Variants in SORCS2 observed in about 807,000 individuals in gnomAD.
The protein encoded by SORCS2 is sortilin related VPS10 domain containing receptor 2, also known as VPS10 domain-containing receptor SorCS2.
SORCS2 carries 100 observed loss-of-function variants against 141.6 expected under a neutral mutation model. That is an observed-to-expected ratio of 0.71 (90% confidence interval 0.60 to 0.83). The LOEUF (loss-of-function observed/expected upper bound fraction) is 0.83, where lower values mean the gene tolerates loss of function less well. Ranked by LOEUF, SORCS2 falls within the 40% of genes least tolerant of loss-of-function variation. The probability of loss-of-function intolerance (pLI) is 0.00; values close to 1 mark genes in which losing one functional copy is unlikely to be tolerated. For synonymous variants in SORCS2, 789 were observed against 676.9 expected (o/e 1.17, Z -2.57); for missense variants, 1,646 against 1,560.2 (o/e 1.05, Z -0.93).
chr4:7,403,993 ATATATTTTTTTTTTT>A (rs1181208866), intron 2 of SORCS2, among the ~76,000 whole-genome samples: 7 of 7,708 alleles, frequency 9.1e-4, no homozygotes, highest in South Asian at 2.2e-3. Flanking sequence ...ATATATATAT[ATATATTTTTTTTTTT>A]TTTTTAGTAT....
intron 1 of SORCS2, among the ~76,000 whole-genome samples, chr4:7,239,281 C>CTGGG (rs1235756901): frequency 6.6e-6 from 1 of 152,256 alleles, no homozygotes; most frequent in African/African-American, 2.4e-5. Flanking sequence ...TGCAGAAAGG[C>CTGGG]TGGGGCCCAG....
Position 7,740,517 on chromosome 4 carries a change from G to T in SORCS2, c.*253G>T. On this transcript the variant is annotated 3_prime_UTR_variant, in exon 27 of 27. Transcript: ENST00000507866. Reference sequence around the variant, plus strand: ...ACCAGGCCTGACTCAGGCAGGTTCTGCCCCCCAGACCCCACACACGGCCGC... The same window carrying T: ...ACCAGGCCTGACTCAGGCAGGTTCTTCCCCCCAGACCCCACACACGGCCGC... The T allele has an allele frequency of 1.8e-6, 1 of 543,666 alleles. No homozygotes were observed. Among genetic ancestry groups the T allele is most frequent in the Middle Eastern group, 5.1e-4 (1 of 1,980 alleles). The allele number at this position is 543,666 out of a possible 1,614,324, so 33.7% of individuals were successfully genotyped here. A position where few individuals can be genotyped will look rare whatever the true frequency, so the allele number is the denominator to read the frequency against.
At chr4:7,372,292 G>A (rs1204555125) in intron 1 of SORCS2, among the ~76,000 whole-genome samples, 1 of 152,120 alleles carries the variant, frequency 6.6e-6, no homozygotes, top group Non-Finnish European at 1.5e-5. Flanking sequence ...ATTACATGTA[G>A]TAAAATTCAC....
intron 1 of SORCS2, among the ~76,000 whole-genome samples, chr4:7,216,892 C>G (rs1350468350): frequency 6.6e-6 from 1 of 152,186 alleles, no homozygotes; most frequent in Non-Finnish European, 1.5e-5. Flanking sequence ...TCCATGGTTC[C>G]TCTCCCGGGG....
chr4:7,538,894 T>A (rs1712344249), intron 3 of SORCS2, among the ~76,000 whole-genome samples: 1 of 152,218 alleles, frequency 6.6e-6, no homozygotes, highest in Non-Finnish European at 1.5e-5. Flanking sequence ...AGTGAAAACC[T>A]CCACTTGGCA....
At chr4:7,510,736 A>G (rs116221375) in intron 2 of SORCS2, among the ~76,000 whole-genome samples, 436 of 24,074 alleles carry the variant, frequency 0.018, 7 homozygotes, top group African/African-American at 0.073. Flanking sequence ...GGGCCTGGGC[A>G]CGTGCTGTTC....
intron 3 of SORCS2, among the ~76,000 whole-genome samples, chr4:7,634,879 C>T (rs1720141905): frequency 6.6e-6 from 1 of 152,186 alleles, no homozygotes; most frequent in Non-Finnish European, 1.5e-5. Context: ...CAACCCCATC[C>T]GATGCCCAGA....
At chr4:7,705,299 C>T (rs1229032947) in intron 14 of SORCS2, among the ~76,000 whole-genome samples, 7 of 152,206 alleles carry the variant, frequency 4.6e-5, no homozygotes, top group Non-Finnish European at 8.8e-5. Flanking sequence ...GAGCTCAGCC[C>T]TGCCGACCCC....
intron 6 of SORCS2, 129 bp downstream of exon 6, chr4:7,661,693 G>T: frequency 3.7e-6 from 3 of 813,330 alleles, no homozygotes; most frequent in East Asian, 2.8e-5. Context: ...ACTGTGTCTC[G>T]ATGTGGCATG....
intron 1 of SORCS2, among the ~76,000 whole-genome samples, chr4:7,346,438 AC>A (rs1370026821): frequency 6.6e-6 from 1 of 152,154 alleles, no homozygotes; most frequent in Non-Finnish European, 1.5e-5. Flanking sequence ...ATTTACCGAG[AC>A]TTGTTTTACA....
intron 3 of SORCS2, among the ~76,000 whole-genome samples, chr4:7,599,059 G>A (rs547704714): frequency 3.9e-5 from 6 of 152,296 alleles, no homozygotes; most frequent in African/African-American, 1.4e-4. Flanking sequence ...TTGCCTGAGT[G>A]GAGCCTTGTT....
intron 2 of SORCS2, chr4:7,433,935 G>A (rs1362662969): frequency 5.0e-6 from 8 of 1,613,740 alleles, no homozygotes; most frequent in African/African-American, 2.7e-5. Context: ...GGGTGATCAT[G>A]AGCTCAGAGC....
intron 3 of SORCS2, among the ~76,000 whole-genome samples, chr4:7,572,638 A>T (rs1174508567): frequency 6.6e-6 from 1 of 152,184 alleles, no homozygotes; most frequent in East Asian, 1.9e-4. Context: ...ATGTGGGAGG[A>T]AGGGCTTGTT....
At chr4:7,620,019 TTCC>T (rs1236105905) in intron 3 of SORCS2, among the ~76,000 whole-genome samples, 5 of 2,546 alleles carry the variant, frequency 2.0e-3, no homozygotes, top group African/African-American at 2.3e-3. Flanking sequence ...CTCCTCCTCC[TTCC>T]TCCTCCTCCT....
At chr4:7,631,112 G>A (rs1458159320) in intron 3 of SORCS2, among the ~76,000 whole-genome samples, 1 of 149,934 alleles carries the variant, frequency 6.7e-6, no homozygotes, top group Non-Finnish European at 1.5e-5. Context: ...TAGCTGCCAG[G>A]CAGACTGGGA....
chr4:7,560,072 C>G (rs76766789), intron 3 of SORCS2, among the ~76,000 whole-genome samples: 1 of 152,272 alleles, frequency 6.6e-6, no homozygotes, highest in South Asian at 2.1e-4. Flanking sequence ...TGGGGATAGG[C>G]GACAGTCTGA....
chr4:7,454,134 C>T (rs1577590437), intron 2 of SORCS2, among the ~76,000 whole-genome samples: 1 of 97,864 alleles, frequency 1.0e-5, no homozygotes, highest in Non-Finnish European at 2.0e-5. Flanking sequence ...GTGTTGGGGT[C>T]AGGAGCTGTG....
At chr4:7,378,392 G>A (rs530489530) in intron 1 of SORCS2, among the ~76,000 whole-genome samples, 6 of 147,876 alleles carry the variant, frequency 4.1e-5, no homozygotes, top group Non-Finnish European at 8.9e-5. Flanking sequence ...GGATGATACA[G>A]TTCCACATGG....
intron 1 of SORCS2, among the ~76,000 whole-genome samples, chr4:7,353,596 C>T (rs1365164165): frequency 6.6e-6 from 1 of 152,208 alleles, no homozygotes; most frequent in Non-Finnish European, 1.5e-5. Context: ...TGTGTACCTC[C>T]AATCTGTTCC....
Sources: gnomAD v4.1 joint callset for allele counts (sites outside exome capture counted in the v4.1 genomes callset) on GRCh38, gnomAD v4.1.1 for gene constraint, MANE v1.5 for transcripts, NCBI Gene and HGNC (gene_info 2026-07-23, HGNC 2026-07-21) for gene names.